MEGF10: variants seen among roughly 807,000 people sequenced by gnomAD.
The protein encoded by MEGF10 is multiple epidermal growth factor-like domains protein 10.
A neutral mutation model predicts 147.5 loss-of-function variants in MEGF10; 86 were observed. That is an observed-to-expected ratio of 0.58 (90% CI 0.49 to 0.70). MEGF10 has a LOEUF of 0.70. Among genes scored for constraint, MEGF10 ranks in the 30% least tolerant of loss-of-function variants. The probability of loss-of-function intolerance (pLI) is 0.00; values close to 1 mark genes in which losing one functional copy is unlikely to be tolerated. For synonymous variants in MEGF10, 478 were observed against 525.5 expected, an observed-to-expected ratio of 0.91 and a Z score of 1.24; for missense variants, 1,329 against 1,487.3, an observed-to-expected ratio of 0.89 and a Z score of 1.75.
At chr5:127,434,419 T>G (rs1400753356) in intron 14 of MEGF10, among the ~76,000 whole-genome samples, 1 of 152,222 alleles carries the variant, frequency 6.6e-6, no homozygotes, top group Non-Finnish European at 1.5e-5. Flanking sequence ...AGACTTGAGC[T>G]AACTGGGGCC....
Position 127,420,117 on chromosome 5 carries a change from G to A in MEGF10, c.1500G>A (p.Gln500=), listed in dbSNP as rs146075981. The change falls in exon 12 of 25, where the codon CAG becomes CAA. Residue 500 remains glutamine (Q), a synonymous_variant. Coordinates refer to ENST00000503335, the MANE Select transcript of MEGF10 (RefSeq NM_001256545.2). ...GCTTTGGCTGTAACTTAACATGCCA[G>A]TGCCTCAACGGGGGAGCCTGCAACA... ...TWGFGCNLTC[Q]CLNGGACNTL... 4.0e-4 allele frequency: 639 copies of A among 1,614,214 alleles called. No homozygotes were observed. The African/African-American group carries it at 7.5e-3, about 19-fold the overall frequency.
At chr5:127,395,518 A>G (rs1763872922) in intron 5 of MEGF10, among the ~76,000 whole-genome samples, 1 of 147,234 alleles carries the variant, frequency 6.8e-6, no homozygotes, top group African/African-American at 2.5e-5. Context: ...TTCCAAACAC[A>G]GATGTTTTGA....
intron 1 of MEGF10, among the ~76,000 whole-genome samples, chr5:127,317,230 C>G (rs1191980860): frequency 2.6e-5 from 4 of 152,122 alleles, no homozygotes; most frequent in Non-Finnish European, 5.9e-5. Flanking sequence ...GATATTAGCC[C>G]TTTGTCAGAT....
At chr5:127,325,458 G>A (rs1760976372) in intron 1 of MEGF10, among the ~76,000 whole-genome samples, 1 of 152,106 alleles carries the variant, frequency 6.6e-6, no homozygotes, top group Non-Finnish European at 1.5e-5. Flanking sequence ...AGCTGATGAT[G>A]AGTGAATTAC....
chr5:127,408,401 C>T (rs1255631884), intron 8 of MEGF10, among the ~76,000 whole-genome samples: 1 of 152,122 alleles, frequency 6.6e-6, no homozygotes, highest in African/African-American at 2.4e-5. Context: ...GTCCTGACAG[C>T]CTTCAGTAGG....
At chr5:127,245,489 CA>C in the MEGF10 span, among the ~76,000 whole-genome samples, 2 of 151,894 alleles carry the variant, frequency 1.3e-5, no homozygotes, top group Non-Finnish European at 2.9e-5. Context: ...ACATAAGACC[CA>C]AAACCATAAA....
chr5:127,247,411 A>AAGG, the MEGF10 span, among the ~76,000 whole-genome samples: 2 of 57,980 alleles, frequency 3.4e-5, no homozygotes, highest in African/African-American at 8.9e-5. Flanking sequence ...GAAGAAGAAG[A>AAGG]AGAAGAAGAA....
chr5:127,369,025 A>T (rs1368282166), intron 4 of MEGF10, among the ~76,000 whole-genome samples: 1 of 152,168 alleles, frequency 6.6e-6, no homozygotes, highest in Non-Finnish European at 1.5e-5. Flanking sequence ...AGTCTTTTGT[A>T]ATAAGACATA....
At chr5:127,263,310 G>GGC in the MEGF10 span, among the ~76,000 whole-genome samples, 34 of 149,444 alleles carry the variant, frequency 2.3e-4, 1 homozygote, top group African/African-American at 8.3e-4. Context: ...GGATTCTCGG[G>GGC]GGGGGGGTAA....
chr5:127,266,102 G>T, the MEGF10 span, among the ~76,000 whole-genome samples: 1 of 151,844 alleles, frequency 6.6e-6, no homozygotes, highest in African/African-American at 2.4e-5. Flanking sequence ...TTTGTATAAG[G>T]TGTAAGGAAG....
At chr5:127,379,960 C>A (rs1340707104) in intron 5 of MEGF10, among the ~76,000 whole-genome samples, 1 of 152,146 alleles carries the variant, frequency 6.6e-6, no homozygotes, top group East Asian at 1.9e-4. Context: ...CATACAGACA[C>A]TATCTCTGAC....
At chr5:127,304,758 G>T (rs1420229018) in intron 1 of MEGF10, among the ~76,000 whole-genome samples, 16 of 152,198 alleles carry the variant, frequency 1.1e-4, no homozygotes, top group Admixed American at 9.8e-4. Context: ...GCCTCCTAAA[G>T]TTCTGGAGTT....
chr5:127,241,530 A>AT, the MEGF10 span, among the ~76,000 whole-genome samples: 1 of 152,016 alleles, frequency 6.6e-6, no homozygotes, highest in Non-Finnish European at 1.5e-5. Context: ...ATGTGATATG[A>AT]TTTTTTGGTG....
the MEGF10 span, among the ~76,000 whole-genome samples, chr5:127,247,443 GAAGAAGAAGAAGAAGAAGAAGAAGAAGAA>G: frequency 8.5e-6 from 1 of 118,210 alleles, no homozygotes; most frequent in Non-Finnish European, 1.7e-5. Flanking sequence ...AGAAGAAGAA[GAAGAAGAAGAAGAAGAAGAAGAAGAAGAA>G]GAAGAAGAAG....
intron 1 of MEGF10, among the ~76,000 whole-genome samples, chr5:127,329,388 C>A (rs758212734): frequency 6.6e-6 from 1 of 151,774 alleles, no homozygotes; most frequent in Admixed American, 6.6e-5. Flanking sequence ...TTTCTTTTAG[C>A]CTTTGTTGAG....
At position 127,434,715 on chromosome 5, in the gene MEGF10, C is replaced by A; in HGVS notation, c.1869C>A (p.Arg623=). 6.2e-7 allele frequency: 1 copy of A among 1,613,426 alleles called. No individual in the cohort carries two copies. Among genetic ancestry groups the A allele is most frequent in the Non-Finnish European group, 8.5e-7 (1 of 1,179,746 alleles). ...RICSPGFYGH[R]CSQTCPQCVH... ...GCTCCCCTGGTTTTTATGGGCATCG[C>A]TGCAGCCAGACATGCCCACAGTGCG... is the stretch of plus-strand genomic sequence containing the variant. Residue 623 remains arginine (R), a synonymous_variant, in exon 15 of 25, where the codon CGC becomes CGA. Transcript: ENST00000503335.
At chr5:127,441,786 T>C (rs1765765275) in intron 18 of MEGF10, among the ~76,000 whole-genome samples, 1 of 152,096 alleles carries the variant, frequency 6.6e-6, no homozygotes, top group Non-Finnish European at 1.5e-5. Context: ...ATAGCAGGAC[T>C]CTGACAATAA....
Position 127,303,335 on chromosome 5 carries a change from C to CAAAAAAAAAAAAA in MEGF10, c.-19+12287_-19+12299dup, listed in dbSNP as rs1174955274. Among the ~76,000 whole-genome samples, 4 of 50,630 alleles carry CAAAAAAAAAAAAA rather than the reference C, an allele frequency of 7.9e-5. 1 individual carries two copies. The highest frequency in any genetic ancestry group is 4.7e-5 in the Non-Finnish European group (1 of 21,216). 33.2% of individuals were successfully genotyped at this position (50,630 alleles called of 152,430 possible). On this transcript the variant is annotated intron_variant, in intron 1 of 24. Transcript: ENST00000503335. The stretch of plus-strand genomic sequence containing the variant: ...TGGACAACAGATCGAGACTCCATGT[C>CAAAAAAAAAAAAA]AAAAAAAAAAAAAAAAAAAAGCAAT...
chr5:127,312,339 AG>A (rs1245385310), intron 1 of MEGF10, among the ~76,000 whole-genome samples: 9 of 152,220 alleles, frequency 5.9e-5, no homozygotes, highest in Non-Finnish European at 1.2e-4. Flanking sequence ...TCAGGCAGTG[AG>A]CAGGAAGCTG....
Sources: allele counts gnomAD v4.1 joint callset (sites outside exome capture counted in the v4.1 genomes callset), GRCh38; gene constraint gnomAD v4.1.1; transcripts MANE v1.5; gene names NCBI Gene and HGNC (gene_info 2026-07-23, HGNC 2026-07-21).